EGFLAM: variants seen among roughly 807,000 people sequenced by gnomAD.
The protein encoded by EGFLAM is EGF like, fibronectin type III and laminin G domains, also known as pikachurin.
In EGFLAM, 79 loss-of-function variants were observed where a neutral mutation model predicts 113.1. The ratio of observed to expected loss-of-function variants is 0.70; its 90% CI spans 0.58 to 0.84. EGFLAM has a LOEUF of 0.84. Among genes scored for constraint, EGFLAM ranks in the 40% least tolerant of loss-of-function variants. EGFLAM has a pLI of 0.00. For synonymous variants in EGFLAM, 504 were observed against 487.6 expected, an observed-to-expected ratio of 1.03 and a Z score of -0.44; for missense variants, 1,265 against 1,291.6, an observed-to-expected ratio of 0.98 and a Z score of 0.32.
intron 6 of EGFLAM, among the ~76,000 whole-genome samples, chr5:38,378,376 G>A (rs925601102): frequency 6.6e-6 from 1 of 152,166 alleles, no homozygotes; most frequent in East Asian, 1.9e-4. Context: ...AGCATGCGAG[G>A]ATCCCGGGGT....
intron 6 of EGFLAM, among the ~76,000 whole-genome samples, chr5:38,379,727 T>A (rs573210276): frequency 6.6e-6 from 1 of 151,586 alleles, no homozygotes; most frequent in South Asian, 2.1e-4. Context: ...AAGACTGCAG[T>A]GATCAGATGT....
chr5:38,262,816 T>C (rs6886455), intron 1 of EGFLAM, among the ~76,000 whole-genome samples: 46,563 of 152,110 alleles, frequency 0.31, 7,504 homozygotes, highest in Admixed American at 0.39. Context: ...TTGGAAGATA[T>C]ATGTTTCCAT....
chr5:38,411,456 G>A (rs1013986805), intron 10 of EGFLAM, among the ~76,000 whole-genome samples: 3 of 151,544 alleles, frequency 2.0e-5, no homozygotes, highest in Admixed American at 6.6e-5. Context: ...ACGGGAATGC[G>A]GATTAGCTAC....
chr5:38,439,552 C>G (rs1742466192), intron 17 of EGFLAM, among the ~76,000 whole-genome samples: 1 of 152,142 alleles, frequency 6.6e-6, no homozygotes, highest in South Asian at 2.1e-4. Context: ...TAGGAGAAGT[C>G]ATTTTGTCAT....
At chr5:38,385,278 ACC>A (rs1232044947) in intron 6 of EGFLAM, among the ~76,000 whole-genome samples, 1,094 of 41,036 alleles carry the variant, frequency 0.027, 27 homozygotes, top group African/African-American at 0.081. Flanking sequence ...TTTCCCACCC[ACC>A]CCCCCCCCCC....
intron 1 of EGFLAM, among the ~76,000 whole-genome samples, chr5:38,288,200 A>G (rs1442224256): frequency 6.6e-6 from 1 of 152,204 alleles, no homozygotes; most frequent in Non-Finnish European, 1.5e-5. Flanking sequence ...GATGGTCTGC[A>G]GATTTAAAAA....
intron 1 of EGFLAM, among the ~76,000 whole-genome samples, chr5:38,316,018 A>G (rs982279527): frequency 1.3e-5 from 2 of 151,354 alleles, no homozygotes; most frequent in Non-Finnish European, 2.9e-5. Flanking sequence ...CGGAGGTTGC[A>G]ATGAGCTCAG....
At chr5:38,331,582 C>T (rs1739043854) in intron 1 of EGFLAM, among the ~76,000 whole-genome samples, 1 of 152,100 alleles carries the variant, frequency 6.6e-6, no homozygotes, top group Non-Finnish European at 1.5e-5. Context: ...ATGGATGAGG[C>T]TGTGCTTACT....
intron 18 of EGFLAM, among the ~76,000 whole-genome samples, chr5:38,449,678 G>A (rs1240926455): frequency 6.6e-6 from 1 of 151,984 alleles, no homozygotes; most frequent in Non-Finnish European, 1.5e-5. Context: ...GCATGCATGT[G>A]TGTGTGTGTG....
intron 1 of EGFLAM, among the ~76,000 whole-genome samples, chr5:38,269,131 A>T (rs947608212): frequency 2.0e-5 from 3 of 152,152 alleles, no homozygotes; most frequent in Admixed American, 6.5e-5. Flanking sequence ...GTGCAACATG[A>T]TCCTGCCACT....
intron 1 of EGFLAM, among the ~76,000 whole-genome samples, chr5:38,263,820 G>A (rs1338765121): frequency 1.3e-5 from 2 of 152,222 alleles, no homozygotes; most frequent in Admixed American, 6.5e-5. Flanking sequence ...ATAAGTCAAG[G>A]TTTATTTGCT....
chr5:38,418,659 T>C (rs762866111), intron 12 of EGFLAM, among the ~76,000 whole-genome samples: 15 of 152,206 alleles, frequency 9.9e-5, no homozygotes, highest in Non-Finnish European at 2.1e-4. Flanking sequence ...CTTAAAGAAG[T>C]GGTCACATTC....
chr5:38,259,309 C>G (rs901833130), intron 1 of EGFLAM, among the ~76,000 whole-genome samples: 1 of 152,236 alleles, frequency 6.6e-6, no homozygotes, highest in South Asian at 2.1e-4. Flanking sequence ...GTCCTGCCCA[C>G]GCGTTGTGCA....
intron 11 of EGFLAM, among the ~76,000 whole-genome samples, chr5:38,417,207 G>C (rs921754282): frequency 6.6e-6 from 1 of 152,080 alleles, no homozygotes; most frequent in South Asian, 2.1e-4. Context: ...AATTAGCTAG[G>C]CGTGGTGACA....
rs558550082 is a variant in EGFLAM at position 38,380,362 on chromosome 5, A to G, written c.712+9900A>G. ...TAGAGCTGTCTGTGATTTAATTTTC[A>G]CATACATGTTCTTAAAGAAGAGACC... On this transcript the variant is annotated intron_variant, in intron 6 of 21. Transcript: ENST00000322350. Among the ~76,000 whole-genome samples the G allele has an allele frequency of 1.3e-5, 2 of 152,352 alleles. 1 individual carries two copies. Among genetic ancestry groups the G allele is most frequent in the South Asian group, 4.1e-4 (2 of 4,824 alleles).
intron 1 of EGFLAM, among the ~76,000 whole-genome samples, chr5:38,325,817 C>G (rs1240846734): frequency 6.6e-6 from 1 of 151,830 alleles, no homozygotes; most frequent in Admixed American, 6.6e-5. Context: ...GTTGTTATCT[C>G]TGGAAGAGAG....
chr5:38,424,595 T>C (rs569526812), intron 12 of EGFLAM, among the ~76,000 whole-genome samples: 2 of 152,170 alleles, frequency 1.3e-5, no homozygotes, highest in Non-Finnish European at 2.9e-5. Context: ...ATAAACACCC[T>C]GTTGACATTG....
intron 6 of EGFLAM, among the ~76,000 whole-genome samples, chr5:38,387,978 A>G (rs561694103): frequency 6.6e-6 from 1 of 152,178 alleles, no homozygotes; most frequent in African/African-American, 2.4e-5. Context: ...ACTGTGGGAC[A>G]CTGATGGGAC....
At chr5:38,358,122 C>T (rs1038849375) in intron 5 of EGFLAM, among the ~76,000 whole-genome samples, 3 of 151,502 alleles carry the variant, frequency 2.0e-5, no homozygotes, top group African/African-American at 7.3e-5. Flanking sequence ...TATTCCAGCT[C>T]AGGCAACAAA....
Sources: gnomAD v4.1 joint callset for allele counts (sites outside exome capture counted in the v4.1 genomes callset) on GRCh38, gnomAD v4.1.1 for gene constraint, MANE v1.5 for transcripts, NCBI Gene and HGNC (gene_info 2026-07-23, HGNC 2026-07-21) for gene names.